Variants in FAM120A observed in about 807,000 individuals in gnomAD.
FAM120A encodes family with sequence similarity 120 member A.
FAM120A carries 15 observed loss-of-function variants against 109.7 expected under a neutral mutation model. That is an observed-to-expected ratio of 0.14 (90% CI 0.09 to 0.21). FAM120A has a LOEUF of 0.21. FAM120A is among the 10% of genes least tolerant of loss of function. The pLI, the probability that FAM120A is intolerant of heterozygous loss-of-function variation, is 1.00. For missense variants in FAM120A, 899 were observed against 1,439.3 expected, an observed-to-expected ratio of 0.62 and a Z score of 6.07; for synonymous variants, 493 against 572.8, an observed-to-expected ratio of 0.86 and a Z score of 1.99.
intron 3 of FAM120A, among the ~76,000 whole-genome samples, chr9:93,483,006 G>C (rs1169971742): frequency 6.6e-6 from 1 of 152,218 alleles, no homozygotes; most frequent in African/African-American, 2.4e-5. Flanking sequence ...CATTTACCAC[G>C]TAACCTTGCT....
chr9:93,533,980 G>A (rs1466270734), intron 10 of FAM120A, among the ~76,000 whole-genome samples: 1 of 152,228 alleles, frequency 6.6e-6, no homozygotes, highest in Admixed American at 6.5e-5. Context: ...GTCCCGTGGA[G>A]TCAGATGTGA....
intron 1 of FAM120A, among the ~76,000 whole-genome samples, chr9:93,457,208 A>G (rs529537492): frequency 6.6e-6 from 1 of 152,326 alleles, no homozygotes; most frequent in Non-Finnish European, 1.5e-5. Flanking sequence ...TGAGCATAGT[A>G]TACAAAGAGC....
chr9:93,500,704 C>T lies in FAM120A; in HGVS notation c.1030+1818C>T, dbSNP rs530556078. 2.6e-5 allele frequency among the ~76,000 whole-genome samples: 4 copies of T among 152,150 alleles called. No homozygotes were observed. Among genetic ancestry groups the T allele is most frequent in the African/African-American group, 4.8e-5 (2 of 41,406 alleles). On this transcript the variant is annotated intron_variant, in intron 5 of 17. Coordinates refer to ENST00000277165, the MANE Select transcript of FAM120A (RefSeq NM_014612.5). This position sits in a 1 kb window ranked among gnomAD's most constrained non-coding sequence, Gnocchi z 4.6. ...TGGAAAAGGGGGCACAGAGCATCAG[C>T]AGGAGGGAGACTAGCTGTATACTGT...
chr9:93,452,565 G>A lies in FAM120A; in HGVS notation c.474+176G>A. 1 of 1,590,432 alleles carries A rather than the reference G, an allele frequency of 6.3e-7. No individual in the cohort carries two copies. The highest frequency in any genetic ancestry group is 8.5e-7 in the Non-Finnish European group (1 of 1,175,334). On this transcript the variant is annotated intron_variant, in intron 1 of 17. Coordinates refer to ENST00000277165, the MANE Select transcript of FAM120A (RefSeq NM_014612.5). This position sits in a 1 kb window ranked among gnomAD's most constrained non-coding sequence, Gnocchi z 7.0. ...TGCAAGATGGATGGCCGCGGGTGCA[G>A]GCCGCGCGCTGCCCAAGCCCGTCTC...
Position 93,452,812 on chromosome 9 carries a change from C to A in FAM120A, c.474+423C>A, listed in dbSNP as rs1382592950. On this transcript the variant is annotated intron_variant, in intron 1 of 17. Transcript: ENST00000277165. This position sits in a 1 kb window ranked among gnomAD's most constrained non-coding sequence, Gnocchi z 7.0. Reference sequence around the variant, plus strand: ...CCCAGCAACAGGTTCATCTTGGAAGCAGGCAGGATACAGAGTAATAGAGGG... The same window carrying A: ...CCCAGCAACAGGTTCATCTTGGAAGAAGGCAGGATACAGAGTAATAGAGGG... 1.9e-6 allele frequency: 3 copies of A among 1,581,464 alleles called. No individual in the cohort carries two copies. The highest frequency in any genetic ancestry group is 2.7e-5 in the African/African-American group (2 of 74,310).
intron 1 of FAM120A, chr9:93,453,550 C>G: frequency 1.0e-6 from 1 of 985,440 alleles, no homozygotes; most frequent in Non-Finnish European, 1.2e-6. Context: ...GTTGCCCCCA[C>G]TGCCCGCGAG....
At chr9:93,537,669 A>G (rs1023939824) in intron 10 of FAM120A, among the ~76,000 whole-genome samples, 30 of 152,154 alleles carry the variant, frequency 2.0e-4, no homozygotes, top group African/African-American at 7.0e-4. Flanking sequence ...AGCCGAAAGG[A>G]GCATTTTTTC....
At chr9:93,462,299 G>T in intron 1 of FAM120A, among the ~76,000 whole-genome samples, 1 of 151,900 alleles carries the variant, frequency 6.6e-6, no homozygotes, top group Non-Finnish European at 1.5e-5. Context: ...ATATTTTTTT[G>T]AGATGGAGTC....
rs1564347068 is a variant in FAM120A at position 93,529,445 on chromosome 9, G to A, written c.1599G>A (p.Leu533=). 2 of 1,614,214 alleles carry A rather than the reference G, an allele frequency of 1.2e-6. No homozygotes were observed. The highest frequency in any genetic ancestry group is 8.5e-7 in the Non-Finnish European group (1 of 1,180,032). ...MGTVQPIPCL[L]SMPTRNHMDI... ...CTGTCCAGCCAATCCCGTGCCTCCT[G>A]TCGATGCCCACCAGGAACCACATGG... The change falls in exon 9 of 18, where the codon CTG becomes CTA. Residue 533 remains leucine, a synonymous_variant. Coordinates refer to ENST00000277165, the MANE Select transcript of FAM120A (RefSeq NM_014612.5).
At chr9:93,562,561 C>T (rs535912646) in intron 17 of FAM120A, among the ~76,000 whole-genome samples, 11 of 152,282 alleles carry the variant, frequency 7.2e-5, no homozygotes, top group East Asian at 1.9e-4. Flanking sequence ...GGTAGCTTCC[C>T]GCCTGGTGTG....
chr9:93,546,165 T>C (rs931411632), intron 11 of FAM120A, among the ~76,000 whole-genome samples: 22 of 152,194 alleles, frequency 1.4e-4, no homozygotes, highest in African/African-American at 4.6e-4. Flanking sequence ...TTTTTATTAA[T>C]AACAATATTA....
At chr9:93,458,271 C>T (rs1449444288) in intron 1 of FAM120A, among the ~76,000 whole-genome samples, 4 of 151,978 alleles carry the variant, frequency 2.6e-5, no homozygotes, top group Non-Finnish European at 5.9e-5. Context: ...CACTTCTGAA[C>T]GCTGTGTCCC....
intron 17 of FAM120A, 99 bp downstream of exon 17, chr9:93,562,403 G>A (rs1862498666): frequency 1.2e-6 from 1 of 859,696 alleles, no homozygotes; most frequent in Non-Finnish European, 1.9e-6. Flanking sequence ...CAGAAGAGCT[G>A]TGAGGGTAAT....
chr9:93,453,290 T>TG (rs1323237936), intron 1 of FAM120A: 46 of 987,086 alleles, frequency 4.7e-5, no homozygotes, highest in Non-Finnish European at 4.9e-5. Flanking sequence ...TCTGGCCCTT[T>TG]GGCAGAGGGC....
At chr9:93,487,155 C>G (rs1859096427) in intron 3 of FAM120A, among the ~76,000 whole-genome samples, 1 of 151,880 alleles carries the variant, frequency 6.6e-6, no homozygotes. Flanking sequence ...TCATTGAGTT[C>G]TAAGGGTTTT....
At chr9:93,492,217 T>C (rs1564324549) in intron 3 of FAM120A, among the ~76,000 whole-genome samples, 1 of 152,096 alleles carries the variant, frequency 6.6e-6, no homozygotes, top group Non-Finnish European at 1.5e-5. Flanking sequence ...GTTATGTAGA[T>C]AGATAGCATA....
At chr9:93,536,836 C>T (rs554289017) in intron 10 of FAM120A, among the ~76,000 whole-genome samples, 1 of 152,350 alleles carries the variant, frequency 6.6e-6, no homozygotes, top group Admixed American at 6.5e-5. Context: ...TTATTTTCCA[C>T]GCCTTTCTTT....
At chr9:93,453,187 C>T in intron 1 of FAM120A, 1 of 1,000,658 alleles carries the variant, frequency 1.0e-6, no homozygotes, top group Non-Finnish European at 1.2e-6. Context: ...CGTGAACTCG[C>T]AGGATTTATT....
At chr9:93,472,673 A>T (rs986973661) in intron 2 of FAM120A, among the ~76,000 whole-genome samples, 3 of 152,242 alleles carry the variant, frequency 2.0e-5, no homozygotes, top group Non-Finnish European at 4.4e-5. Context: ...TATCAGAAAG[A>T]TTTTTATAAA....
Sources: allele counts gnomAD v4.1 joint callset (sites outside exome capture counted in the v4.1 genomes callset), GRCh38; gene constraint gnomAD v4.1.1; non-coding constraint Gnocchi (gnomAD v3.1); transcripts MANE v1.5; gene names NCBI Gene and HGNC (gene_info 2026-07-23, HGNC 2026-07-21).